ZNF415: variants seen among roughly 807,000 people sequenced by gnomAD.
ZNF415 encodes the protein zinc finger protein 415.
ZNF415 carries 5 observed loss-of-function variants against 7.3 expected under a neutral mutation model. The observed-to-expected ratio is 0.69, with a 90% CI of 0.36 to 1.44. ZNF415 has a LOEUF of 1.44. ZNF415 is among the 40% of genes most tolerant of loss of function. The pLI is 0.04. For synonymous variants in ZNF415, 207 were observed against 226.3 expected (o/e 0.91, Z 0.77); for missense variants, 628 against 664.8 (o/e 0.94, Z 0.61).
At chr19:53,119,488 A>C (rs1211603456) in intron 2 of ZNF415, among the ~76,000 whole-genome samples, 2 of 150,796 alleles carry the variant, frequency 1.3e-5, no homozygotes, top group African/African-American at 4.9e-5. Context: ...AGACAGTCTA[A>C]CAATGCACCT....
intron 1 of ZNF415, among the ~76,000 whole-genome samples, chr19:53,130,790 T>C (rs8102133): frequency 0.93 from 141,961 of 152,094 alleles, 66,414 homozygotes; most frequent in African/African-American, 0.97. Flanking sequence ...GGATTACAGA[T>C]GCGTGTCACC....
intron 2 of ZNF415, 168 bp downstream of exon 2, chr19:53,122,494 C>T (rs1346845206): frequency 1.7e-5 from 27 of 1,573,584 alleles, no homozygotes; most frequent in South Asian, 3.4e-5. Context: ...CAGGGTGAGA[C>T]GGAATCTCAG....
rs993309973 is a variant in ZNF415 at position 53,118,928 on chromosome 19, T to C, written c.16-2495A>G. Among the ~76,000 whole-genome samples, 5 of 151,474 alleles carry C rather than the reference T, an allele frequency of 3.3e-5. No individual in the cohort carries two copies. In the East Asian group the frequency reaches 9.7e-4, roughly 29 times the overall value. On this transcript the variant is annotated intron_variant, in intron 2 of 3. Coordinates refer to ENST00000243643, the MANE Select transcript of ZNF415 (RefSeq NM_018355.4). Reference sequence around the variant, plus strand: ...GGGAGGCCAAGGTGGGTGGATCACCTGAGGTCAGGAGTTCAAGACCACCCT... The same window carrying C: ...GGGAGGCCAAGGTGGGTGGATCACCCGAGGTCAGGAGTTCAAGACCACCCT...
rs1368349210 is a variant in ZNF415 at position 53,108,119 on chromosome 19, A to C, written c.*258T>G. The stretch of plus-strand genomic sequence containing the variant: ...GATGTCTAGTGAGTTGTGAGACCTA[A>C]ATGAAGCCTCTGCCACACAGTTAGG... On this transcript the variant is annotated 3_prime_UTR_variant, in exon 4 of 4. Coordinates refer to ENST00000243643, the MANE Select transcript of ZNF415 (RefSeq NM_018355.4). 1 of 459,140 alleles carries C rather than the reference A, an allele frequency of 2.2e-6. No individual in the cohort carries two copies. Among genetic ancestry groups the C allele is most frequent in the Non-Finnish European group, 3.8e-6 (1 of 262,694 alleles). The allele number at this position is 459,140 out of a possible 1,614,324, so 28.4% of individuals were successfully genotyped here.
At chr19:53,116,880 G>T (rs1333808944) in intron 2 of ZNF415, among the ~76,000 whole-genome samples, 2 of 151,882 alleles carry the variant, frequency 1.3e-5, no homozygotes, top group Non-Finnish European at 2.9e-5. Flanking sequence ...AATAAAGAAA[G>T]AAATAAAAAA....
rs1460567320 is a variant in ZNF415, at chr19:53,113,284, G to A, written c.136+3029C>T. Reference sequence around the variant, plus strand: ...AGCACTTTGGGAGGCCGAGACGGGCGGATCACGAGGTCAGGAGATCGAGAC... The same window carrying A: ...AGCACTTTGGGAGGCCGAGACGGGCAGATCACGAGGTCAGGAGATCGAGAC... On this transcript the variant is annotated intron_variant, in intron 3 of 3. Transcript: ENST00000243643. Among the ~76,000 whole-genome samples, 6 of 28,452 alleles carry A rather than the reference G, an allele frequency of 2.1e-4. 2 individuals carry two copies. Among genetic ancestry groups the A allele is most frequent in the African/African-American group, 5.0e-4 (4 of 8,030 alleles). 18.7% of individuals were successfully genotyped at this position (28,452 alleles called of 152,430 possible). A position where few individuals can be genotyped will look rare whatever the true frequency, so the allele number is the denominator to read the frequency against.
chr19:53,129,019 G>A (rs1455489613), intron 1 of ZNF415, among the ~76,000 whole-genome samples: 1 of 140,404 alleles, frequency 7.1e-6, no homozygotes, highest in Non-Finnish European at 1.6e-5. Flanking sequence ...GTGATAGAGA[G>A]TGACGGGCAG....
intron 1 of ZNF415, among the ~76,000 whole-genome samples, chr19:53,126,683 G>A (rs1177780491): frequency 3.1e-5 from 4 of 128,894 alleles, no homozygotes; most frequent in African/African-American, 7.7e-5. Context: ...AGAAGCGTGT[G>A]CATAGGATGA....
intron 3 of ZNF415, chr19:53,115,777 G>A (rs1295944503): frequency 4.5e-6 from 7 of 1,550,486 alleles, no homozygotes; most frequent in Non-Finnish European, 6.1e-6. Flanking sequence ...CTATGGTCCA[G>A]GGCTCTTTCC....
chr19:53,108,304 T>C lies in ZNF415; in HGVS notation c.*73A>G. 3 of 1,413,020 alleles carry C rather than the reference T, an allele frequency of 2.1e-6. No individual in the cohort carries two copies. The highest frequency in any genetic ancestry group is 2.9e-6 in the Non-Finnish European group (3 of 1,047,516). 87.5% of individuals were successfully genotyped at this position (1,413,020 alleles called of 1,614,324 possible). ...AAAACCTTGCCACATTTATTATACT[T>C]GTATGGTTTCTCTCTGATATAAATT... On this transcript the variant is annotated 3_prime_UTR_variant, in exon 4 of 4. Coordinates refer to ENST00000243643, the MANE Select transcript of ZNF415 (RefSeq NM_018355.4).
chr19:53,117,423 A>G (rs985710313), intron 2 of ZNF415, among the ~76,000 whole-genome samples: 2 of 151,198 alleles, frequency 1.3e-5, no homozygotes, highest in Non-Finnish European at 1.5e-5. Context: ...CCTGGGCAAC[A>G]AGGGCGAAAT....
intron 1 of ZNF415, among the ~76,000 whole-genome samples, chr19:53,125,683 G>A (rs542401137): frequency 2.6e-5 from 4 of 151,564 alleles, no homozygotes; most frequent in South Asian, 2.1e-4. Flanking sequence ...GGTGGCTCAC[G>A]CCTGTAATCC....
At chr19:53,126,635 A>G (rs1224654334) in intron 1 of ZNF415, among the ~76,000 whole-genome samples, 1 of 130,288 alleles carries the variant, frequency 7.7e-6, no homozygotes, top group African/African-American at 2.5e-5. Flanking sequence ...CTAGGGAAGC[A>G]TTAGTTTCCC....
chr19:53,132,476 A>T (rs2146764865), intron 1 of ZNF415, among the ~76,000 whole-genome samples: 1 of 152,280 alleles, frequency 6.6e-6, no homozygotes, highest in Non-Finnish European at 1.5e-5. Flanking sequence ...GCAGGATCCC[A>T]GGACCAGGCA....
At chr19:53,130,431 G>C (rs890219699) in intron 1 of ZNF415, among the ~76,000 whole-genome samples, 1 of 145,446 alleles carries the variant, frequency 6.9e-6, no homozygotes, top group East Asian at 2.2e-4. Flanking sequence ...AGAAATATCT[G>C]ATGAATTTTG....
intron 3 of ZNF415, 30 bp from the exon 4 acceptor site, chr19:53,109,938 A>T: frequency 6.7e-7 from 1 of 1,495,032 alleles, no homozygotes; most frequent in Non-Finnish European, 9.0e-7. Flanking sequence ...TAGGTTTCCA[A>T]TTAATTAGAG....
chr19:53,119,888 TA>T (rs2087705095), intron 2 of ZNF415, among the ~76,000 whole-genome samples: 1 of 152,064 alleles, frequency 6.6e-6, no homozygotes, highest in Admixed American at 6.6e-5. Context: ...TAATGAAATT[TA>T]ATCAGGAATA....
chr19:53,130,628 C>T (rs1359630288), intron 1 of ZNF415, among the ~76,000 whole-genome samples: 1 of 151,944 alleles, frequency 6.6e-6, no homozygotes, highest in Non-Finnish European at 1.5e-5. Context: ...AAAAGCAAAT[C>T]AATTACAAAA....
In ZNF415 at chr19:53,109,608, T is replaced by A; in HGVS notation, c.437A>T (p.His146Leu). 1 of 1,614,152 alleles carries A rather than the reference T, an allele frequency of 6.2e-7. No individual in the cohort carries two copies. Among genetic ancestry groups the A allele is most frequent in the Non-Finnish European group, 8.5e-7 (1 of 1,180,018 alleles). ...KHQLGLSFLP[H>L]PHELQQFQAE... ...TTGAAACTGCTGCAGTTCATGGGGA[T>A]GTGGTAGAAAGCTTAATCCAAGCTG... The change falls in exon 4 of 4, where the codon CAT becomes CTT. Residue 146 changes from histidine to leucine, a missense_variant. Physicochemically the swap from His to Leu is moderately conservative, Grantham distance 99 (BLOSUM62 -3). Coordinates refer to ENST00000243643, the MANE Select transcript of ZNF415 (RefSeq NM_018355.4).
Sources: gnomAD v4.1 joint callset for allele counts (sites outside exome capture counted in the v4.1 genomes callset) on GRCh38, gnomAD v4.1.1 for gene constraint, MANE v1.5 for transcripts, NCBI Gene and HGNC (gene_info 2026-07-23, HGNC 2026-07-21) for gene names.